The following PRSS48 variants were observed in gnomAD, a reference collection of about 807,000 sequenced individuals.
PRSS48 encodes the protein epidermis-specific serine protease-like protein.
PRSS48 carries 21 observed loss-of-function variants against 25.6 expected under a neutral mutation model. The observed-to-expected ratio is 0.82, with a 90% CI of 0.58 to 1.18. PRSS48 has a LOEUF of 1.18. Ranked by LOEUF, PRSS48 falls within the 50% of genes most tolerant of loss-of-function variation. The probability of loss-of-function intolerance (pLI) is 0.00; values close to 1 mark genes in which losing one functional copy is unlikely to be tolerated. For synonymous variants in PRSS48, 150 were observed against 149.3 expected (o/e 1.00, Z -0.04); for missense variants, 373 against 399.3 (o/e 0.93, Z 0.56).
chr4:151,280,814 A>C (rs540598687), intron 2 of PRSS48, among the ~76,000 whole-genome samples: 2 of 152,176 alleles, frequency 1.3e-5, no homozygotes, highest in Non-Finnish European at 2.9e-5. Flanking sequence ...AGTTTAAAAA[A>C]AAACTCAAAG....
intron 4 of PRSS48, among the ~76,000 whole-genome samples, chr4:151,284,386 T>G (rs993702196): frequency 2.6e-5 from 4 of 152,224 alleles, no homozygotes; most frequent in African/African-American, 7.2e-5. Flanking sequence ...AGACATTTTA[T>G]TTTTTAGTTA....
intron 4 of PRSS48, among the ~76,000 whole-genome samples, chr4:151,290,861 GTTTTAT>G (rs1442035542): frequency 6.6e-6 from 1 of 152,106 alleles, no homozygotes; most frequent in Non-Finnish European, 1.5e-5. Context: ...CATCTCATTA[GTTTTAT>G]TTCTCTTTTT....
Position 151,283,292 on chromosome 4 carries a change from G to A in PRSS48, c.651+6G>A, listed in dbSNP as rs754337053. 4 of 1,611,346 alleles carry A rather than the reference G, an allele frequency of 2.5e-6. No individual in the cohort carries two copies. The African/African-American group carries it at 5.4e-5, about 22-fold the overall frequency. ...ACATGAAGGATAGTTGCAAGGTCAG[G>A]GTTTGCTCTAGAGAATTTTTTTTTA... On this transcript the variant is annotated splice_donor_region_variant and intron_variant, in intron 4 of 4. Transcript: ENST00000455694.
intron 4 of PRSS48, among the ~76,000 whole-genome samples, chr4:151,289,550 CAAA>C (rs1775129133): frequency 6.6e-6 from 1 of 152,122 alleles, no homozygotes; most frequent in Admixed American, 6.5e-5. Context: ...TTTAAAAGAG[CAAA>C]GCATCTGAAT....
chr4:151,286,873 G>A (rs866953058), intron 4 of PRSS48, among the ~76,000 whole-genome samples: 1 of 151,562 alleles, frequency 6.6e-6, no homozygotes, highest in Non-Finnish European at 1.5e-5. Context: ...CCAGCTACTC[G>A]GGAGGCTGAG....
chr4:151,283,432 A>C, intron 4 of PRSS48, 146 bp downstream of exon 4: 1 of 656,510 alleles, frequency 1.5e-6, no homozygotes, highest in Non-Finnish European at 2.5e-6. Flanking sequence ...CAAATCACTT[A>C]ACTTCTATCT....
chr4:151,287,008 A>ATAG (rs1349733020), intron 4 of PRSS48, among the ~76,000 whole-genome samples: 1 of 148,766 alleles, frequency 6.7e-6, no homozygotes, highest in African/African-American at 2.5e-5. Flanking sequence ...AATAATAATA[A>ATAG]TAGTAATTAA....
chr4:151,279,485 T>C (rs1485479661), intron 1 of PRSS48, among the ~76,000 whole-genome samples: 1 of 152,236 alleles, frequency 6.6e-6, no homozygotes, highest in Non-Finnish European at 1.5e-5. Context: ...CTGGAAAATT[T>C]AAATATAAAG....
At chr4:151,287,245 G>C (rs1261012162) in intron 4 of PRSS48, among the ~76,000 whole-genome samples, 3 of 150,832 alleles carry the variant, frequency 2.0e-5, no homozygotes, top group African/African-American at 7.3e-5. Context: ...GGAGGCTGAG[G>C]GAGGAGAATC....
intron 4 of PRSS48, among the ~76,000 whole-genome samples, chr4:151,288,349 T>A (rs924608680): frequency 6.6e-6 from 1 of 152,140 alleles, no homozygotes; most frequent in African/African-American, 2.4e-5. Flanking sequence ...TAGTCACAGA[T>A]GACATGATTT....
At chr4:151,279,514 G>GA (rs1773981435) in intron 1 of PRSS48, among the ~76,000 whole-genome samples, 1 of 152,320 alleles carries the variant, frequency 6.6e-6, no homozygotes, top group East Asian at 1.9e-4. Flanking sequence ...TCTGTTCAGT[G>GA]AATCTAGATA....
At chr4:151,284,108 C>A (rs1386980670) in intron 4 of PRSS48, among the ~76,000 whole-genome samples, 1 of 152,084 alleles carries the variant, frequency 6.6e-6, no homozygotes, top group East Asian at 1.9e-4. Context: ...TAAATCTATT[C>A]TTTAACATAT....
intron 4 of PRSS48, among the ~76,000 whole-genome samples, chr4:151,285,273 CAGAA>C (rs1774636289): frequency 6.6e-6 from 1 of 152,114 alleles, no homozygotes; most frequent in South Asian, 2.1e-4. Context: ...ATTTTAAAAA[CAGAA>C]AGAGTCCTAA....
intron 4 of PRSS48, among the ~76,000 whole-genome samples, chr4:151,286,768 C>T (rs1197084866): frequency 6.6e-6 from 1 of 151,560 alleles, no homozygotes; most frequent in African/African-American, 2.4e-5. Context: ...TCAATTGAGG[C>T]CAGGAGTTCG....
intron 4 of PRSS48, among the ~76,000 whole-genome samples, chr4:151,284,587 A>G (rs1163786316): frequency 6.6e-6 from 1 of 152,144 alleles, no homozygotes; most frequent in Non-Finnish European, 1.5e-5. Flanking sequence ...TTCTCCAACA[A>G]TTGCTTTTTC....
At chr4:151,286,916 G>A (rs371670026) in intron 4 of PRSS48, among the ~76,000 whole-genome samples, 12 of 151,618 alleles carry the variant, frequency 7.9e-5, no homozygotes, top group African/African-American at 2.7e-4. Flanking sequence ...GGAGGTAGAG[G>A]TTACAGTGAG....
chr4:151,287,317 G>C (rs1774896922), intron 4 of PRSS48, among the ~76,000 whole-genome samples: 1 of 146,664 alleles, frequency 6.8e-6, no homozygotes, highest in Non-Finnish European at 1.5e-5. Context: ...CTCCAGCCTC[G>C]GTTACAGAGC....
intron 4 of PRSS48, 41 bp downstream of exon 4, chr4:151,283,327 T>A: frequency 5.5e-3 from 6,454 of 1,171,748 alleles, no homozygotes; most frequent in Non-Finnish European, 7.6e-3. Context: ...AAACATGAGA[T>A]CTTAATTTGG....
In PRSS48 at chr4:151,291,185, G is replaced by A; in HGVS notation, c.719G>A (p.Trp240Ter). 6.2e-7 allele frequency: 1 copy of A among 1,613,916 alleles called. No individual in the cohort carries two copies. The highest frequency in any genetic ancestry group is 8.5e-7 in the Non-Finnish European group (1 of 1,179,852). ...TGGATCCAGACAGGAGTAGTAAGCTGGGGATTAGAATGTGGTAAATCTCTT... is the reference window on the plus strand; with the variant it reads ...TGGATCCAGACAGGAGTAGTAAGCTAGGGATTAGAATGTGGTAAATCTCTT... Residue 240 changes from tryptophan (W) to a stop codon, truncating the protein, a stop_gained, in exon 5 of 5, where the codon TGG becomes TAG. Transcript: ENST00000455694. LOFTEE classifies it low-confidence loss of function (END_TRUNC).
Sources: gnomAD v4.1 joint callset for allele counts (sites outside exome capture counted in the v4.1 genomes callset) on GRCh38, gnomAD v4.1.1 for gene constraint, MANE v1.5 for transcripts, NCBI Gene and HGNC (gene_info 2026-07-23, HGNC 2026-07-21) for gene names.